The following TRAF3 variants were observed in gnomAD, a reference collection of about 807,000 sequenced individuals.
TRAF3 encodes TNF receptor associated factor 3.
Under a neutral mutation model 62.3 loss-of-function variants are expected in TRAF3, and 13 were observed. The observed-to-expected ratio is 0.21, with a 90% CI of 0.14 to 0.33. The LOEUF (loss-of-function observed/expected upper bound fraction) is 0.33. Ranked by LOEUF, TRAF3 falls within the 10% of genes least tolerant of loss-of-function variation. The pLI is 1.00. For synonymous variants in TRAF3, 269 were observed against 283.4 expected, an observed-to-expected ratio of 0.95 and a Z score of 0.51; for missense variants, 440 against 741.8, an observed-to-expected ratio of 0.59 and a Z score of 4.73.
At chr14:102,871,821 G>C in intron 3 of TRAF3, 96 bp from the exon 4 acceptor site, 2 of 1,154,776 alleles carry the variant, frequency 1.7e-6, no homozygotes, top group Non-Finnish European at 2.6e-6. Flanking sequence ...GAGCCACTGT[G>C]CAGACCTGAC....
At chr14:102,843,411 C>G (rs1241040167) in intron 2 of TRAF3, among the ~76,000 whole-genome samples, 1 of 150,380 alleles carries the variant, frequency 6.6e-6, no homozygotes, top group Non-Finnish European at 1.5e-5. Context: ...GATCTCGGCT[C>G]ACTGCAATCT....
chr14:102,849,861 C>T (rs1319958842), intron 2 of TRAF3, among the ~76,000 whole-genome samples: 4 of 152,220 alleles, frequency 2.6e-5, no homozygotes, highest in African/African-American at 9.7e-5. Flanking sequence ...TGCCCTTCTC[C>T]CTTTATTGGC....
intron 1 of TRAF3, among the ~76,000 whole-genome samples, chr14:102,802,324 T>C (rs902567911): frequency 1.2e-3 from 41 of 33,980 alleles, no homozygotes; most frequent in Admixed American, 8.2e-3. Flanking sequence ...CTGGCTAATT[T>C]TTTGTATTTT....
intron 2 of TRAF3, among the ~76,000 whole-genome samples, chr14:102,834,593 C>A (rs527514793): frequency 6.8e-6 from 1 of 146,884 alleles, no homozygotes; most frequent in African/African-American, 2.6e-5. Flanking sequence ...GAGGCTGAGG[C>A]AGGAGAATGG....
intron 1 of TRAF3, among the ~76,000 whole-genome samples, chr14:102,794,228 A>G (rs907765472): frequency 6.6e-6 from 1 of 152,076 alleles, no homozygotes; most frequent in Non-Finnish European, 1.5e-5. Flanking sequence ...CAGGCTGAGT[A>G]CAGTGGTACC....
chr14:102,823,945 G>A (rs181391691), intron 1 of TRAF3, among the ~76,000 whole-genome samples: 3 of 152,250 alleles, frequency 2.0e-5, no homozygotes, highest in Admixed American at 2.0e-4. Flanking sequence ...GTTGTTCCTT[G>A]TTAATGTCGA....
Position 102,903,491 on chromosome 14 carries a change from C to G in TRAF3, c.1135+62C>G, listed in dbSNP as rs115535498. 3.0e-4 allele frequency: 475 copies of G among 1,608,446 alleles called. No homozygotes were observed. Among genetic ancestry groups the G allele is most frequent in the Middle Eastern group, 8.2e-4 (5 of 6,076 alleles). On this transcript the variant is annotated intron_variant, in intron 11 of 11. Coordinates refer to ENST00000392745, the MANE Select transcript of TRAF3 (RefSeq NM_145725.3). This position sits in a 1 kb window ranked among gnomAD's most constrained non-coding sequence, Gnocchi z 6.4. ...TCTGGGCCCCGGGCGAGTGCTGGGG[C>G]GGGGTCCGTGGGATGAGGGCTATGT...
rs1897054690 is a variant in TRAF3 at position 102,777,471 on chromosome 14, G to C, written c.-361G>C. ...TGCGCGGGGCTGCGTGAGGGAGCGA[G>C]GGAGCGAGGGAGCGCGGCGCGGCCG... On this transcript the variant is annotated 5_prime_UTR_variant, in exon 1 of 12. Coordinates refer to ENST00000392745, the MANE Select transcript of TRAF3 (RefSeq NM_145725.3). The C allele has an allele frequency of 2.1e-5, 3 of 144,686 alleles. No homozygotes were observed. The South Asian group carries it at 6.3e-4, about 30-fold the overall frequency. The allele number at this position is 144,686 out of a possible 1,614,324, so 9.0% of individuals were successfully genotyped here.
At chr14:102,867,010 T>G (rs1164381171) in intron 2 of TRAF3, among the ~76,000 whole-genome samples, 2 of 152,200 alleles carry the variant, frequency 1.3e-5, no homozygotes, top group African/African-American at 2.4e-5. Context: ...AAGACCATAG[T>G]CCTTGGTTGG....
intron 9 of TRAF3, 133 bp downstream of exon 9, chr14:102,891,550 G>T (rs772346347): frequency 2.0e-6 from 2 of 1,001,578 alleles, no homozygotes; most frequent in Non-Finnish European, 3.0e-6. Flanking sequence ...AAAAAACTCT[G>T]TGTGATCTTG....
chr14:102,876,232 G>T (rs1888639254), intron 5 of TRAF3, 126 bp from the exon 6 acceptor site: 1 of 975,570 alleles, frequency 1.0e-6, no homozygotes, highest in Admixed American at 2.0e-5. Flanking sequence ...TCTTTGCTGT[G>T]GAAAACTGGT....
chr14:102,875,176 A>T lies in TRAF3; in HGVS notation c.298-448A>T, dbSNP rs554125739. Among the ~76,000 whole-genome samples the T allele has an allele frequency of 2.0e-5, 3 of 152,190 alleles. No homozygotes were observed. In the South Asian group the frequency reaches 6.2e-4, roughly 32 times the overall value. ...TCTCCATTTCTCCAGCAAGCGATCTATACAATGTATTCAGTTGTGTCCAGT... is the reference window on the plus strand; with the variant it reads ...TCTCCATTTCTCCAGCAAGCGATCTTTACAATGTATTCAGTTGTGTCCAGT... On this transcript the variant is annotated intron_variant, in intron 4 of 11. Transcript: ENST00000392745.
At chr14:102,854,294 T>C (rs1887230781) in intron 2 of TRAF3, among the ~76,000 whole-genome samples, 1 of 152,230 alleles carries the variant, frequency 6.6e-6, no homozygotes, top group Admixed American at 6.5e-5. Context: ...TCTTGGTATA[T>C]ACATAGAGAT....
intron 1 of TRAF3, among the ~76,000 whole-genome samples, chr14:102,779,268 G>GTTTTT (rs1897170192): frequency 2.7e-5 from 2 of 74,126 alleles, no homozygotes; most frequent in African/African-American, 5.4e-5. Flanking sequence ...GAGAATTCCA[G>GTTTTT]CTTTTTTTTT....
At chr14:102,902,268 G>A (rs910245667) in intron 10 of TRAF3, among the ~76,000 whole-genome samples, 1 of 152,222 alleles carries the variant, frequency 6.6e-6, no homozygotes, top group Non-Finnish European at 1.5e-5. Context: ...GCTGGAGGGG[G>A]AAGACCCCTG....
intron 1 of TRAF3, among the ~76,000 whole-genome samples, chr14:102,798,818 TTACAGTGC>T (rs1485161999): frequency 6.6e-6 from 1 of 152,136 alleles, no homozygotes; most frequent in Admixed American, 6.5e-5. Context: ...AGTCCTGCTG[TTACAGTGC>T]TAGGTAAATG....
chr14:102,862,704 T>C (rs1052995360), intron 2 of TRAF3, among the ~76,000 whole-genome samples: 12 of 152,252 alleles, frequency 7.9e-5, no homozygotes, highest in African/African-American at 2.6e-4. Context: ...TTTTTTGTCT[T>C]TTTTTCTCTC....
At chr14:102,871,751 C>T (rs1485186617) in intron 3 of TRAF3, among the ~76,000 whole-genome samples, 166 bp from the exon 4 acceptor site, 2 of 152,198 alleles carry the variant, frequency 1.3e-5, no homozygotes, top group African/African-American at 2.4e-5. Flanking sequence ...GCCCTTTTCT[C>T]CCATGGCTTC....
chr14:102,884,928 A>AATTGGTGAGG (rs995909420), intron 6 of TRAF3, among the ~76,000 whole-genome samples: 1 of 152,144 alleles, frequency 6.6e-6, no homozygotes, highest in African/African-American at 2.4e-5. Flanking sequence ...TGTGCGATAG[A>AATTGGTGAGG]ATTGGTGAGG....
Sources: allele counts gnomAD v4.1 joint callset (sites outside exome capture counted in the v4.1 genomes callset), GRCh38; gene constraint gnomAD v4.1.1; non-coding constraint Gnocchi (gnomAD v3.1); transcripts MANE v1.5; gene names NCBI Gene and HGNC (gene_info 2026-07-23, HGNC 2026-07-21).